The following PTPN13 variants were observed in gnomAD, a reference collection of about 807,000 sequenced individuals.
PTPN13 encodes tyrosine-protein phosphatase non-receptor type 13.
In PTPN13, 191 loss-of-function variants were observed where a neutral mutation model predicts 284.0. The observed-to-expected ratio is 0.67, with a 90% CI of 0.60 to 0.76. The LOEUF (loss-of-function observed/expected upper bound fraction) is 0.76. Among genes scored for constraint, PTPN13 ranks in the 30% least tolerant of loss-of-function variants. PTPN13 has a pLI of 0.00. For synonymous variants in PTPN13, 986 were observed against 1,022.3 expected (o/e 0.96, Z 0.68); for missense variants, 2,797 against 2,939.9 (o/e 0.95, Z 1.12).
intron 2 of PTPN13, among the ~76,000 whole-genome samples, chr4:86,666,972 G>C (rs914163541): frequency 6.6e-6 from 1 of 152,184 alleles, no homozygotes; most frequent in South Asian, 2.1e-4. Flanking sequence ...CAAGCTTCCA[G>C]CTTGCTTGTC....
intron 2 of PTPN13, among the ~76,000 whole-genome samples, chr4:86,666,504 A>G (rs1727096919): frequency 6.6e-6 from 1 of 152,344 alleles, no homozygotes; most frequent in Middle Eastern, 3.4e-3. Context: ...AAATATTTCA[A>G]TTAATTATAA....
intron 1 of PTPN13, among the ~76,000 whole-genome samples, chr4:86,618,108 G>T (rs551360785): frequency 6.6e-6 from 1 of 152,050 alleles, no homozygotes; most frequent in African/African-American, 2.4e-5. Context: ...TTTGTATAAG[G>T]TGTAAGGAAG....
At chr4:86,699,111 G>A (rs1284077139) in intron 6 of PTPN13, among the ~76,000 whole-genome samples, 1 of 152,158 alleles carries the variant, frequency 6.6e-6, no homozygotes, top group East Asian at 1.9e-4. Context: ...GACATAGCCT[G>A]GCACAGTGGC....
chr4:86,672,665 C>A, intron 3 of PTPN13, 122 bp downstream of exon 3: 3 of 706,130 alleles, frequency 4.2e-6, no homozygotes, highest in Non-Finnish European at 6.5e-6. Flanking sequence ...CCGTGTATTC[C>A]AAGAAGTTCA....
At chr4:86,697,183 G>A (rs1730675397) in intron 6 of PTPN13, among the ~76,000 whole-genome samples, 1 of 152,050 alleles carries the variant, frequency 6.6e-6, no homozygotes, top group Non-Finnish European at 1.5e-5. Flanking sequence ...GTGGTCAATT[G>A]CAGCAAAGCA....
In PTPN13 at chr4:86,745,234, A is replaced by G; in HGVS notation, c.2650+106A>G. ...ATTAGGATGAAAACTTACAATGTAT[A>G]TACATGTTAAATAGCTAAATCAAGT... On this transcript the variant is annotated intron_variant, in intron 17 of 47. Coordinates refer to ENST00000411767, the MANE Select transcript of PTPN13 (RefSeq NM_080683.3). 3.8e-6 allele frequency: 4 copies of G among 1,054,498 alleles called. No individual in the cohort carries two copies. The South Asian group carries it at 5.5e-5, about 15-fold the overall frequency. The allele number at this position is 1,054,498 out of a possible 1,614,324, so 65.3% of individuals were successfully genotyped here.
chr4:86,785,616 A>G (rs1418643971), intron 39 of PTPN13, among the ~76,000 whole-genome samples: 1 of 152,122 alleles, frequency 6.6e-6, no homozygotes, highest in East Asian at 1.9e-4. Context: ...TAGTAGGGTT[A>G]GTCCAAACAT....
chr4:86,693,692 G>C lies in PTPN13; in HGVS notation c.634+18G>C. The C allele has an allele frequency of 6.6e-7, 1 of 1,505,212 alleles. No homozygotes were observed. The highest frequency in any genetic ancestry group is 1.4e-5 in the African/African-American group (1 of 72,402). The allele number at this position is 1,505,212 out of a possible 1,614,324, so 93.2% of individuals were successfully genotyped here. A position where few individuals can be genotyped will look rare whatever the true frequency, so the allele number is the denominator to read the frequency against. ...ACCAACAGGTAAGAGTATATTAATA[G>C]GAAATGTCTAGGCTTTAACCTTATC... is the stretch of plus-strand genomic sequence containing the variant. On this transcript the variant is annotated intron_variant, in intron 6 of 47. Coordinates refer to ENST00000411767, the MANE Select transcript of PTPN13 (RefSeq NM_080683.3).
At position 86,672,486 on chromosome 4, in the gene PTPN13, C is replaced by G; in HGVS notation, c.237C>G (p.Phe79Leu). ...ENISNQDLRA[F>L]TAPEVLQNQS... ...TTTCCAATCAGGATCTTCGAGCATT[C>G]ACTGCACCAGAGGTTCTTCAAAATC... Residue 79 changes from phenylalanine (F) to leucine (L), a missense_variant, in exon 3 of 48, where the codon TTC becomes TTG. Coordinates refer to ENST00000411767, the MANE Select transcript of PTPN13 (RefSeq NM_080683.3). The G allele has an allele frequency of 1.2e-6, 2 of 1,606,140 alleles. No homozygotes were observed. The highest frequency in any genetic ancestry group is 2.2e-5 in the South Asian group (2 of 89,378).
intron 37 of PTPN13, among the ~76,000 whole-genome samples, chr4:86,784,151 G>A (rs943649767): frequency 1.3e-5 from 2 of 152,090 alleles, no homozygotes; most frequent in African/African-American, 2.4e-5. Flanking sequence ...GATATTTTAA[G>A]AAGTACTACA....
At chr4:86,763,419 A>G (rs1019027552) in intron 24 of PTPN13, among the ~76,000 whole-genome samples, 27 of 152,234 alleles carry the variant, frequency 1.8e-4, no homozygotes, top group African/African-American at 5.5e-4. Context: ...CTAATAACCC[A>G]AAGAAGGAAT....
intron 9 of PTPN13, among the ~76,000 whole-genome samples, chr4:86,721,007 T>C (rs1036928308): frequency 1.3e-5 from 2 of 152,034 alleles, no homozygotes; most frequent in Non-Finnish European, 2.9e-5. Context: ...CGTAGTACAT[T>C]CCCACTGCTT....
chr4:86,741,093 C>T (rs949332224), intron 15 of PTPN13, among the ~76,000 whole-genome samples: 2 of 152,184 alleles, frequency 1.3e-5, no homozygotes, highest in Non-Finnish European at 2.9e-5. Context: ...TCCAAACTTT[C>T]CCACATTTTC....
chr4:86,662,498 AT>A (rs1235341522), intron 2 of PTPN13, among the ~76,000 whole-genome samples: 1 of 152,132 alleles, frequency 6.6e-6, no homozygotes, highest in Admixed American at 6.5e-5. Context: ...CGCCCAGCTA[AT>A]TTTTATAATT....
chr4:86,605,813 G>A (rs901139878), intron 1 of PTPN13, among the ~76,000 whole-genome samples: 1 of 151,802 alleles, frequency 6.6e-6, no homozygotes, highest in Non-Finnish European at 1.5e-5. Context: ...CATTATTTGG[G>A]TAGTGGTGAA....
chr4:86,797,018 A>C, intron 41 of PTPN13, 89 bp downstream of exon 41: 1 of 909,280 alleles, frequency 1.1e-6, no homozygotes, highest in African/African-American at 1.7e-5. Context: ...GTATAAAATA[A>C]GCATAGTTGA....
At chr4:86,656,665 G>A (rs986680209) in intron 2 of PTPN13, among the ~76,000 whole-genome samples, 1 of 152,176 alleles carries the variant, frequency 6.6e-6, no homozygotes, top group East Asian at 1.9e-4. Flanking sequence ...TAGGCTACTC[G>A]GGGGTCAGGG....
intron 40 of PTPN13, among the ~76,000 whole-genome samples, chr4:86,787,380 G>T (rs960440563): frequency 1.3e-5 from 2 of 151,900 alleles, no homozygotes; most frequent in African/African-American, 4.8e-5. Flanking sequence ...ATCACCTGAG[G>T]TTGGGAGTTC....
At chr4:86,645,311 G>C (rs1470989244) in intron 2 of PTPN13, among the ~76,000 whole-genome samples, 1 of 152,184 alleles carries the variant, frequency 6.6e-6, no homozygotes, top group Non-Finnish European at 1.5e-5. Context: ...CTTCCCCTAA[G>C]ATCAGGAACA....
Sources: gnomAD v4.1 joint callset for allele counts (sites outside exome capture counted in the v4.1 genomes callset) on GRCh38, gnomAD v4.1.1 for gene constraint, MANE v1.5 for transcripts, NCBI Gene and HGNC (gene_info 2026-07-23, HGNC 2026-07-21) for gene names.